The following TTC14 variants were observed in gnomAD, a reference collection of about 807,000 sequenced individuals.
TTC14 encodes tetratricopeptide repeat protein 14.
A neutral mutation model predicts 79.9 loss-of-function variants in TTC14; 63 were observed. The ratio of observed to expected loss-of-function variants is 0.79; its 90% CI spans 0.64 to 0.97. TTC14 has a LOEUF of 0.97. TTC14 is among the 50% of genes least tolerant of loss of function. The probability of loss-of-function intolerance (pLI) is 0.00; values close to 1 mark genes in which losing one functional copy is unlikely to be tolerated. For missense variants in TTC14, 895 were observed against 894.0 expected, an observed-to-expected ratio of 1.00 and a Z score of -0.01; for synonymous variants, 335 against 309.6, an observed-to-expected ratio of 1.08 and a Z score of -0.86.
At position 180,602,356 on chromosome 3, in the gene TTC14, G is replaced by A. The variant is rs747416346; in HGVS notation, c.95G>A (p.Arg32His). The change falls in exon 1 of 12, where the codon CGT (arginine) becomes CAT (histidine). Residue 32 changes from arginine to histidine, a missense_variant. Coordinates refer to ENST00000296015, the MANE Select transcript of TTC14 (RefSeq NM_133462.4). ...GAACAGCAGGACAATCCACACTTCC[G>A]TAGCCTCCTGGGGTCGGCCGCCGAG... ...RSEQQDNPHFRSLLGSAAEPA... is the reference protein window; with the variant it reads ...RSEQQDNPHFHSLLGSAAEPA... The A allele has an allele frequency of 1.9e-6, 3 of 1,612,500 alleles. No individual in the cohort carries two copies. The highest frequency in any genetic ancestry group is 2.2e-5 in the East Asian group (1 of 44,846).
At chr3:180,613,070 A>G (rs1206043237), downstream of TTC14, among the ~76,000 whole-genome samples, 1 of 152,222 alleles carries the variant, frequency 6.6e-6, no homozygotes, top group Non-Finnish European at 1.5e-5. Context: ...ACCCCATTCA[A>G]TGTAAGAGAA....
intron 6 of TTC14, 190 bp downstream of exon 6, chr3:180,605,197 G>A: frequency 2.2e-6 from 1 of 444,538 alleles, no homozygotes; most frequent in South Asian, 7.1e-5. Context: ...TGTGTACCAT[G>A]TAACCAAGTA....
In TTC14 at chr3:180,616,574, A is replaced by G. The variant is rs1213159340; in HGVS notation, c.1775-806A>G. The G allele has an allele frequency of 6.2e-7, 1 of 1,602,854 alleles. No homozygotes were observed. On this transcript the variant is annotated intron_variant, in intron 12 of 12. Coordinates refer to the TTC14 transcript ENST00000382584. ...CTCAGTATTTTCTTCTATGATATCA[A>G]CTAACATTTCATCAATAACTTTGTG...
chr3:180,610,549 A>G lies in TTC14; in HGVS notation c.*7A>G. On this transcript the variant is annotated 3_prime_UTR_variant, in exon 12 of 12. Transcript: ENST00000296015. ...AAATAAGTCAAAAAATTAATACACC[A>G]AGGATATCGGCACCATTACACAAAA... 6.4e-7 allele frequency: 1 copy of G among 1,553,206 alleles called. No individual in the cohort carries two copies. The highest frequency in any genetic ancestry group is 1.3e-5 in the South Asian group (1 of 78,168).
intron 12 of TTC14, chr3:180,617,014 T>G: frequency 9.9e-7 from 1 of 1,013,722 alleles, no homozygotes; most frequent in South Asian, 1.9e-5. Context: ...GAAATTGACT[T>G]TTATAACTTG....
downstream of TTC14, chr3:180,615,160 TA>T (rs1717184396): frequency 9.9e-7 from 1 of 1,009,708 alleles, no homozygotes. Flanking sequence ...AAAGGTACCA[TA>T]ATTCCATAAG....
At chr3:180,602,621 C>G (rs1716429719) in intron 1 of TTC14, 199 bp downstream of exon 1, 2 of 763,488 alleles carry the variant, frequency 2.6e-6, no homozygotes, top group Admixed American at 6.3e-5. Flanking sequence ...AACTTTTTCT[C>G]TGGCACTGCT....
chr3:180,602,226 C>A lies in TTC14; in HGVS notation c.-36C>A. ...TAGCGGACACGGAACAGGGAACTAT[C>A]AGCCCGTCGGCCTCCGGGCCCTGCA... On this transcript the variant is annotated 5_prime_UTR_variant, in exon 1 of 12. Transcript: ENST00000296015. The A allele has an allele frequency of 1.2e-6, 2 of 1,609,202 alleles. No homozygotes were observed. Among genetic ancestry groups the A allele is most frequent in the South Asian group, 2.2e-5 (2 of 90,484 alleles).
At chr3:180,602,471 T>G in intron 1 of TTC14, 49 bp downstream of exon 1, 1 of 1,530,020 alleles carries the variant, frequency 6.5e-7, no homozygotes, top group Non-Finnish European at 8.7e-7. Flanking sequence ...GACGCAGCTC[T>G]GGCAGCCACT....
intron 2 of TTC14, 51 bp from the exon 3 acceptor site, chr3:180,603,073 A>G (rs745961511): frequency 1.2e-6 from 2 of 1,610,934 alleles, no homozygotes; most frequent in Non-Finnish European, 1.7e-6. Context: ...ACTTCAGGTG[A>G]AACGGAACTC....
chr3:180,614,658 A>G (rs1717160535), downstream of TTC14: 1 of 348,602 alleles, frequency 2.9e-6, no homozygotes, highest in Non-Finnish European at 5.2e-6. Context: ...TAACACTACG[A>G]ACATCAGAAT....
chr3:180,604,194 G>A (rs373637565), intron 3 of TTC14, 31 bp from the exon 4 acceptor site: 73 of 1,572,742 alleles, frequency 4.6e-5, no homozygotes, highest in Non-Finnish European at 6.0e-5. Context: ...AGCTTGAAAT[G>A]TCTGGTGTTT....
At chr3:180,616,650 CTT>C (rs1717255613) in intron 12 of TTC14, 1 of 1,592,354 alleles carries the variant, frequency 6.3e-7, no homozygotes, top group Non-Finnish European at 8.6e-7. Context: ...ATTGTTTCAT[CTT>C]TTGTGTCTTT....
chr3:180,614,946 A>G (rs1192064375), downstream of TTC14: 2 of 1,565,880 alleles, frequency 1.3e-6, no homozygotes, highest in South Asian at 2.4e-5. Flanking sequence ...TTTGCTCTTA[A>G]CATTACTAGA....
chr3:180,607,793 T>G, intron 10 of TTC14, 28 bp downstream of exon 10: 1 of 1,599,718 alleles, frequency 6.3e-7, no homozygotes, highest in Non-Finnish European at 8.5e-7. Context: ...CTTAGAAATT[T>G]AGTGATATTT....
At chr3:180,609,110 T>G in intron 11 of TTC14, 1 of 847,248 alleles carries the variant, frequency 1.2e-6, no homozygotes, top group Middle Eastern at 5.9e-4. Flanking sequence ...CAACTAGGGG[T>G]GGATTTATTC....
At chr3:180,617,248 C>G in intron 12 of TTC14, 1 of 473,844 alleles carries the variant, frequency 2.1e-6, no homozygotes, top group Non-Finnish European at 3.7e-6. Context: ...CTGGTGTAAA[C>G]AAACCTGCAT....
rs757845831 is a variant in TTC14 at position 180,604,888 on chromosome 3, C to T, written c.738C>T (p.Ser246=). 2 of 1,613,366 alleles carry T rather than the reference C, an allele frequency of 1.2e-6. No individual in the cohort carries two copies. The highest frequency in any genetic ancestry group is 1.1e-5 in the South Asian group (1 of 91,036). The change falls in exon 6 of 12, where the codon TCC becomes TCT. Residue 246 remains serine, a synonymous_variant. Transcript: ENST00000296015. The part of the protein sequence containing the change: ...SVELNSNSLE[S]YENVMQSSLG... The stretch of plus-strand genomic sequence containing the variant: ...AGCTAAATAGCAATTCTTTGGAGTC[C>T]TATGAAAATGTCATGCAGAGTTCCT...
Position 180,610,840 on chromosome 3 carries a change from G to C in TTC14, c.*298G>C. ...AAGTACTGTTTCTTCATTCTATTGCGGTATATGAGAATTCCTGGGTGCATC... is the reference window on the plus strand; with the variant it reads ...AAGTACTGTTTCTTCATTCTATTGCCGTATATGAGAATTCCTGGGTGCATC... On this transcript the variant is annotated 3_prime_UTR_variant, in exon 12 of 12. Transcript: ENST00000296015. 2.0e-6 allele frequency: 2 copies of C among 999,302 alleles called. No individual in the cohort carries two copies. Among genetic ancestry groups the C allele is most frequent in the Non-Finnish European group, 2.4e-6 (2 of 839,080 alleles). 61.9% of individuals were successfully genotyped at this position (999,302 alleles called of 1,614,324 possible).
Sources: allele counts gnomAD v4.1 joint callset (sites outside exome capture counted in the v4.1 genomes callset), GRCh38; gene constraint gnomAD v4.1.1; transcripts MANE v1.5; gene names NCBI Gene and HGNC (gene_info 2026-07-23, HGNC 2026-07-21).